GRIN2A: variants seen among roughly 807,000 people sequenced by gnomAD.
The protein encoded by GRIN2A is glutamate ionotropic receptor NMDA type subunit 2A.
Under a neutral mutation model 113.4 loss-of-function variants are expected in GRIN2A, and 22 were observed. That is an observed-to-expected ratio of 0.19 (90% confidence interval 0.14 to 0.28). The LOEUF (loss-of-function observed/expected upper bound fraction) is 0.28, where lower values mean the gene tolerates loss of function less well. Ranked by LOEUF, GRIN2A falls within the 10% of genes least tolerant of loss-of-function variation. The pLI is 1.00. For synonymous variants in GRIN2A, 827 were observed against 738.4 expected, an observed-to-expected ratio of 1.12 and a Z score of -1.94; for missense variants, 1,502 against 1,887.0, an observed-to-expected ratio of 0.80 and a Z score of 3.78.
At chr16:10,000,788 T>C (rs3848327) in intron 2 of GRIN2A, among the ~76,000 whole-genome samples, 51,872 of 152,058 alleles carry the variant, frequency 0.34, 9,375 homozygotes, top group Non-Finnish European at 0.4. Context: ...CATTTATTTA[T>C]TTTTCTATTT....
intron 2 of GRIN2A, among the ~76,000 whole-genome samples, chr16:9,972,761 T>A (rs538194428): frequency 1.3e-5 from 2 of 152,298 alleles, no homozygotes; most frequent in South Asian, 4.1e-4. Flanking sequence ...GTGATTAAAG[T>A]GTAACCACCC....
chr16:10,111,002 A>G (rs1422847251), intron 2 of GRIN2A, among the ~76,000 whole-genome samples: 3 of 152,258 alleles, frequency 2.0e-5, no homozygotes, highest in Admixed American at 1.3e-4. Flanking sequence ...ACAAAAATCA[A>G]GAAAAAGCTA....
intron 11 of GRIN2A, among the ~76,000 whole-genome samples, chr16:9,784,428 C>CA (rs1193603051): frequency 7.7e-6 from 1 of 130,588 alleles, no homozygotes; most frequent in Non-Finnish European, 1.6e-5. Context: ...AAAACTCTAA[C>CA]AACAACAACA....
chr16:9,851,557 A>AAAGAAATATAC (rs1368853375), intron 4 of GRIN2A, among the ~76,000 whole-genome samples: 2 of 152,242 alleles, frequency 1.3e-5, no homozygotes, highest in East Asian at 3.8e-4. Context: ...GCAAATAGAT[A>AAAGAAATATAC]AAGAAATATA....
intron 5 of GRIN2A, among the ~76,000 whole-genome samples, chr16:9,842,623 CTG>C (rs1179066246): frequency 6.6e-6 from 1 of 152,170 alleles, no homozygotes. Flanking sequence ...TATGAAATAA[CTG>C]TATGGAAAAA....
chr16:9,810,542 TAGAAGA>T (rs1249524595), intron 10 of GRIN2A, among the ~76,000 whole-genome samples: 2 of 152,090 alleles, frequency 1.3e-5, no homozygotes, highest in Non-Finnish European at 2.9e-5. Flanking sequence ...CTGGAGTCCT[TAGAAGA>T]AGAGGAGACA....
At chr16:10,037,023 G>C (rs1331714720) in intron 2 of GRIN2A, 1 of 152,140 alleles carries the variant, frequency 6.6e-6, no homozygotes, top group Non-Finnish European at 1.5e-5. Context: ...CTGATCCCAG[G>C]AGGATCCATG....
In GRIN2A at chr16:10,042,783, C is replaced by CT. The variant is rs200489258; in HGVS notation, c.415-104233dup. Among the ~76,000 whole-genome samples, 359 of 152,256 alleles carry CT rather than the reference C, an allele frequency of 2.4e-3. 2 individuals are homozygous for CT. Among genetic ancestry groups the CT allele is most frequent in the African/African-American group, 8.4e-3 (351 of 41,542 alleles). ...TGGGGAAACATTTACTAACTCACACCTAAGGGGGCCATAGGAAGATAAAAT... is the reference window on the plus strand; with the variant it reads ...TGGGGAAACATTTACTAACTCACACCTTAAGGGGGCCATAGGAAGATAAAAT... On this transcript the variant is annotated intron_variant, in intron 2 of 12. Coordinates refer to ENST00000330684, the MANE Select transcript of GRIN2A (RefSeq NM_001134407.3).
At chr16:10,050,212 T>C (rs2047333998) in intron 2 of GRIN2A, among the ~76,000 whole-genome samples, 1 of 152,110 alleles carries the variant, frequency 6.6e-6, no homozygotes, top group African/African-American at 2.4e-5. Flanking sequence ...ATGCTACACT[T>C]CTAGCCTTGA....
At chr16:9,776,450 G>T (rs1284032789) in intron 11 of GRIN2A, among the ~76,000 whole-genome samples, 1 of 152,084 alleles carries the variant, frequency 6.6e-6, no homozygotes, top group Admixed American at 6.5e-5. Flanking sequence ...ATAACACAAG[G>T]CTCCTGTCTC....
chr16:10,127,008 A>C (rs1177162772), intron 2 of GRIN2A, among the ~76,000 whole-genome samples: 1 of 152,164 alleles, frequency 6.6e-6, no homozygotes, highest in Admixed American at 6.5e-5. Context: ...GCCAATGCTC[A>C]CACGCTTGCC....
chr16:9,974,459 T>C (rs2141751597), intron 2 of GRIN2A, among the ~76,000 whole-genome samples: 1 of 152,310 alleles, frequency 6.6e-6, no homozygotes, highest in South Asian at 2.1e-4. Context: ...ACATACTCCC[T>C]GCTTGCTCAA....
chr16:10,106,212 G>GA (rs2048498390), intron 2 of GRIN2A, among the ~76,000 whole-genome samples: 2 of 140,978 alleles, frequency 1.4e-5, no homozygotes, highest in Non-Finnish European at 3.1e-5. Context: ...TTGGGGAAGT[G>GA]TTTTTTTTTT....
At chr16:9,843,947 CT>C (rs1198229932) in intron 5 of GRIN2A, among the ~76,000 whole-genome samples, 2 of 152,232 alleles carry the variant, frequency 1.3e-5, no homozygotes, top group Admixed American at 6.5e-5. Context: ...CCATTTCCTT[CT>C]TAGTATACAT....
chr16:9,899,056 G>A (rs2043864284), intron 3 of GRIN2A, among the ~76,000 whole-genome samples: 1 of 151,952 alleles, frequency 6.6e-6, no homozygotes. Context: ...TTGCCCTGGT[G>A]CTCAATTTCA....
intron 4 of GRIN2A, among the ~76,000 whole-genome samples, chr16:9,869,678 G>A (rs2043221934): frequency 6.6e-6 from 1 of 152,104 alleles, no homozygotes; most frequent in African/African-American, 2.4e-5. Context: ...GGGCATAATA[G>A]GAGTAATCAC....
At chr16:9,797,643 G>T (rs561098919) in intron 11 of GRIN2A, among the ~76,000 whole-genome samples, 1 of 152,284 alleles carries the variant, frequency 6.6e-6, no homozygotes, top group South Asian at 2.1e-4. Context: ...AAGAGTCTTT[G>T]ACCTCAAAAT....
chr16:10,133,481 C>A (rs962416894), intron 2 of GRIN2A, among the ~76,000 whole-genome samples: 1 of 152,278 alleles, frequency 6.6e-6, no homozygotes, highest in East Asian at 1.9e-4. Flanking sequence ...GTGCTGTGCA[C>A]CCATAATCCC....
chr16:9,902,063 T>C (rs2043939336), intron 3 of GRIN2A, among the ~76,000 whole-genome samples: 1 of 146,128 alleles, frequency 6.8e-6, no homozygotes, highest in Admixed American at 6.7e-5. Context: ...GGTTTTATAA[T>C]GGTGTGAAAA....
Sources: gnomAD v4.1 joint callset for allele counts (sites outside exome capture counted in the v4.1 genomes callset) on GRCh38, gnomAD v4.1.1 for gene constraint, MANE v1.5 for transcripts, NCBI Gene and HGNC (gene_info 2026-07-23, HGNC 2026-07-21) for gene names.